The following TTC22 variants were observed in gnomAD, a reference collection of about 807,000 sequenced individuals.
The protein encoded by TTC22 is tetratricopeptide repeat protein 22.
A neutral mutation model predicts 48.2 loss-of-function variants in TTC22; 42 were observed. That is an observed-to-expected ratio of 0.87 (90% CI 0.68 to 1.13). The LOEUF (loss-of-function observed/expected upper bound fraction) is 1.13, where lower values mean the gene tolerates loss of function less well. Ranked by LOEUF, TTC22 falls within the 50% of genes most tolerant of loss-of-function variation. The pLI is 0.00. For synonymous variants in TTC22, 345 were observed against 365.5 expected, an observed-to-expected ratio of 0.94 and a Z score of 0.64; for missense variants, 784 against 807.0, an observed-to-expected ratio of 0.97 and a Z score of 0.34.
chr1:54,792,188 T>C (rs755209810), intron 1 of TTC22, among the ~76,000 whole-genome samples: 4 of 152,196 alleles, frequency 2.6e-5, no homozygotes, highest in Non-Finnish European at 5.9e-5. Flanking sequence ...AAAAAGTAGC[T>C]AATTGGGTGT....
At chr1:54,797,415 A>G (rs621396) in intron 1 of TTC22, among the ~76,000 whole-genome samples, 27,950 of 152,208 alleles carry the variant, frequency 0.18, 3,076 homozygotes, top group East Asian at 0.41. Context: ...TTGGGAGGCC[A>G]AGGCAGGCGG....
chr1:54,801,157 C>G lies in TTC22; in HGVS notation c.7G>C (p.Glu3Gln). Residue 3 changes from glutamate to glutamine, a missense_variant, in exon 1 of 7, where the codon GAG becomes CAG. Transcript: ENST00000371276. ...AGATCGTCGGCCACAGCCTCCAGCT[C>G]CGCCATGACTGCTCCCTCTGCTCCC... is the stretch of plus-strand genomic sequence containing the variant. The part of the protein sequence containing the change: MA[E>Q]LEAVADDLDA... The G allele has an allele frequency of 6.2e-7, 1 of 1,610,722 alleles. No homozygotes were observed. Among genetic ancestry groups the G allele is most frequent in the Non-Finnish European group, 8.5e-7 (1 of 1,178,312 alleles).
intron 1 of TTC22, among the ~76,000 whole-genome samples, chr1:54,795,659 G>A (rs1004118132): frequency 4.6e-5 from 7 of 152,236 alleles, no homozygotes; most frequent in African/African-American, 1.7e-4. Context: ...CCGTGGGTCT[G>A]TGCTGTGCTG....
intron 1 of TTC22, among the ~76,000 whole-genome samples, chr1:54,799,753 C>T (rs887342431): frequency 3.3e-5 from 5 of 152,136 alleles, no homozygotes; most frequent in Admixed American, 6.5e-5. Context: ...CTCTCCCAGC[C>T]GGGGAGAGGG....
chr1:54,800,835 T>C lies in TTC22; in HGVS notation c.329A>G (p.Tyr110Cys), dbSNP rs773731759. The change falls in exon 1 of 7, where the codon TAC (tyrosine) becomes TGC (cysteine). Residue 110 changes from tyrosine (Y) to cysteine (C), a missense_variant. Physicochemically the swap from Tyr to Cys is radical, Grantham distance 194. Coordinates refer to ENST00000371276, the MANE Select transcript of TTC22 (RefSeq NM_001114108.2). ...CTCTTCTTCCTGGCCCAGCCGCCCG[T>C]ACACGTGTGCCAGATTGGCCCAGGC... ...LNAWANLAHV[Y>C]GRLGQEEEEE... 1.2e-5 allele frequency: 20 copies of C among 1,606,438 alleles called. No homozygotes were observed. The highest frequency in any genetic ancestry group is 1.6e-5 in the Non-Finnish European group (19 of 1,177,550).
At chr1:54,791,786 C>G (rs1226059470) in intron 1 of TTC22, among the ~76,000 whole-genome samples, 1 of 152,098 alleles carries the variant, frequency 6.6e-6, no homozygotes, top group Admixed American at 6.5e-5. Context: ...GTTTGGTATT[C>G]AAGTGGCAAG....
rs1646260384 is a variant in TTC22 at position 54,781,369 on chromosome 1, C to T, written c.1584G>A (p.Val528=). 2 of 1,393,660 alleles carry T rather than the reference C, an allele frequency of 1.4e-6. No homozygotes were observed. The highest frequency in any genetic ancestry group is 1.8e-6 in the Non-Finnish European group (2 of 1,085,742). 86.3% of individuals were successfully genotyped at this position (1,393,660 alleles called of 1,614,324 possible). ...CCACCAGGGCCCGGGCCAGCCCCAACACCTCGTCCGTGTGCCCGCGCCACA... is the reference window on the plus strand; with the variant it reads ...CCACCAGGGCCCGGGCCAGCCCCAATACCTCGTCCGTGTGCCCGCGCCACA... ...QRVWRGHTDE[V]LGLARALVAQ... is the part of the protein sequence containing the mutation. The change falls in exon 7 of 7, where the codon GTG becomes GTA. Residue 528 remains valine, a synonymous_variant. Coordinates refer to ENST00000371276, the MANE Select transcript of TTC22 (RefSeq NM_001114108.2).
chr1:54,784,695 C>T, intron 5 of TTC22: 1 of 1,182,122 alleles, frequency 8.5e-7, no homozygotes, highest in Non-Finnish European at 1.1e-6. Flanking sequence ...GTAATTAAGC[C>T]ACTGAGACCA....
chr1:54,789,644 G>C (rs1452344710), intron 1 of TTC22, among the ~76,000 whole-genome samples: 2 of 152,206 alleles, frequency 1.3e-5, no homozygotes, highest in Admixed American at 1.3e-4. Flanking sequence ...TCTTCTCTGT[G>C]TGGCTCTCGG....
chr1:54,789,739 C>CATGGGGGCA (rs1557773967), intron 1 of TTC22, among the ~76,000 whole-genome samples: 1 of 152,212 alleles, frequency 6.6e-6, no homozygotes, highest in Non-Finnish European at 1.5e-5. Flanking sequence ...GTAGAAGGAA[C>CATGGGGGCA]ATGGGGGCAA....
At position 54,782,426 on chromosome 1, in the gene TTC22, C is replaced by G; in HGVS notation, c.1072G>C (p.Gly358Arg). 1 of 1,551,460 alleles carries G rather than the reference C, an allele frequency of 6.4e-7. No homozygotes were observed. The highest frequency in any genetic ancestry group is 1.2e-5 in the South Asian group (1 of 84,058). Reference protein sequence around the residue: ...HDLKRAKMGLGGMPDRNHLAC... With the variant: ...HDLKRAKMGLRGMPDRNHLAC... ...AGGTGGTTCCTGTCAGGCATGCCCCCGAGACCCATCTTGGCCCGCTTGAGG... is the reference window on the plus strand; with the variant it reads ...AGGTGGTTCCTGTCAGGCATGCCCCGGAGACCCATCTTGGCCCGCTTGAGG... Residue 358 changes from glycine to arginine, a missense_variant, in exon 6 of 7, where the codon GGG becomes CGG. By Grantham distance (125) the Gly-to-Arg change is moderately radical. Coordinates refer to ENST00000371276, the MANE Select transcript of TTC22 (RefSeq NM_001114108.2).
In TTC22 at chr1:54,787,694, A is replaced by T; in HGVS notation, c.739+17T>A. 6.3e-7 allele frequency: 1 copy of T among 1,595,448 alleles called. No homozygotes were observed. The highest frequency in any genetic ancestry group is 1.1e-5 in the South Asian group (1 of 89,462). ...GGGGGCAGAGGCTGCTGTCCCACCC[A>T]TCCCCCGGGTCCCCACCTCGGTGGC... On this transcript the variant is annotated intron_variant, in intron 3 of 6. Transcript: ENST00000371276.
Position 54,787,012 on chromosome 1 carries a change from A to G in TTC22, c.803T>C (p.Met268Thr). 2 of 1,563,872 alleles carry G rather than the reference A, an allele frequency of 1.3e-6. No individual in the cohort carries two copies. Among genetic ancestry groups the G allele is most frequent in the Non-Finnish European group, 1.7e-6 (2 of 1,155,628 alleles). ...ERKDTFSTTP[M>T]GVHDCGYSGT... The stretch of plus-strand genomic sequence containing the variant: ...TGAGTACCCGCAGTCATGGACGCCC[A>G]TGGGGGTGGTGGAGAAGGTGTCCTT... Residue 268 changes from methionine to threonine, a missense_variant, in exon 4 of 7, where the codon ATG becomes ACG. By Grantham distance (81) the Met-to-Thr change is moderately conservative. Transcript: ENST00000371276.
At position 54,787,733 on chromosome 1, in the gene TTC22, C is replaced by G. The variant is rs1646316184; in HGVS notation, c.717G>C (p.Lys239Asn). Residue 239 changes from lysine (K) to asparagine (N), a missense_variant, in exon 3 of 7, where the codon AAG (lysine) becomes AAC (asparagine). Transcript: ENST00000371276. Reference protein sequence around the residue: ...RTLALLRQVLKSEDPRHRALA... With the variant: ...RTLALLRQVLNSEDPRHRALA... Reference sequence around the variant, plus strand: ...CACCTCGGTGGCGGGGGTCCTCGGACTTCAGCACTTGCCGGAGTAGGGCCA... The same window carrying G: ...CACCTCGGTGGCGGGGGTCCTCGGAGTTCAGCACTTGCCGGAGTAGGGCCA... 6.2e-7 allele frequency: 1 copy of G among 1,613,156 alleles called. No homozygotes were observed. Among genetic ancestry groups the G allele is most frequent in the African/African-American group, 1.3e-5 (1 of 74,904 alleles).
chr1:54,786,850 C>T, intron 4 of TTC22, 107 bp downstream of exon 4: 1 of 504,762 alleles, frequency 2.0e-6, no homozygotes, highest in Non-Finnish European at 3.5e-6. Flanking sequence ...CCTGGGTGGG[C>T]CACGCGGTGG....
intron 1 of TTC22, among the ~76,000 whole-genome samples, chr1:54,794,129 C>G (rs1391487458): frequency 9.9e-5 from 15 of 152,174 alleles, no homozygotes. Context: ...ACTGTACTAC[C>G]CTAAGGTGGA....
At chr1:54,783,701 T>C (rs758735798) in intron 5 of TTC22, among the ~76,000 whole-genome samples, 5 of 152,192 alleles carry the variant, frequency 3.3e-5, no homozygotes, top group Non-Finnish European at 7.3e-5. Context: ...ACATAAAATG[T>C]TGGCGGAGGC....
intron 1 of TTC22, 58 bp downstream of exon 1, chr1:54,800,539 G>A (rs1011783958): frequency 2.1e-5 from 28 of 1,350,110 alleles, no homozygotes; most frequent in Non-Finnish European, 2.7e-5. Context: ...CAGACAGAAG[G>A]GACCATGGGA....
At chr1:54,790,973 C>T (rs553256632) in intron 1 of TTC22, among the ~76,000 whole-genome samples, 2 of 152,268 alleles carry the variant, frequency 1.3e-5, no homozygotes, top group South Asian at 2.1e-4. Context: ...AGCTATTCTG[C>T]CTCAGCCTCC....
Sources: gnomAD v4.1 joint callset for allele counts (sites outside exome capture counted in the v4.1 genomes callset) on GRCh38, gnomAD v4.1.1 for gene constraint, MANE v1.5 for transcripts, NCBI Gene and HGNC (gene_info 2026-07-23, HGNC 2026-07-21) for gene names.